Variants in NCKAP5 observed in about 807,000 individuals in gnomAD.
NCKAP5 encodes the protein NCK associated protein 5.
NCKAP5 carries 92 observed loss-of-function variants against 167.0 expected under a neutral mutation model. The observed-to-expected ratio is 0.55, with a 90% CI of 0.47 to 0.66. The LOEUF (loss-of-function observed/expected upper bound fraction) is 0.66, where lower values mean the gene tolerates loss of function less well. Among genes scored for constraint, NCKAP5 ranks in the 30% least tolerant of loss-of-function variants. The pLI, the probability that NCKAP5 is intolerant of heterozygous loss-of-function variation, is 0.00. For synonymous variants in NCKAP5, 891 were observed against 877.4 expected (o/e 1.02, Z -0.27); for missense variants, 2,378 against 2,315.0 (o/e 1.03, Z -0.56).
chr2:132,817,513 T>G (rs1045487269), intron 11 of NCKAP5, among the ~76,000 whole-genome samples: 2 of 152,224 alleles, frequency 1.3e-5, no homozygotes, highest in Non-Finnish European at 2.9e-5. Context: ...GATGTTTTTG[T>G]GTATAAAGAG....
In NCKAP5 at chr2:132,786,247, G is replaced by A. The variant is rs117382604; in HGVS notation, c.1093-529C>T. ...ACCTAAGTCAGAAAGTACATTCAAG[G>A]TACATTGAGGGAATGACTAGAAGAT... On this transcript the variant is annotated intron_variant, in intron 13 of 19. Coordinates refer to ENST00000409261, the MANE Select transcript of NCKAP5 (RefSeq NM_207363.3). Among the ~76,000 whole-genome samples the A allele has an allele frequency of 1.2e-4, 18 of 152,350 alleles. No individual in the cohort carries two copies. In the East Asian group the frequency reaches 2.9e-3, roughly 24 times the overall value.
intron 6 of NCKAP5, among the ~76,000 whole-genome samples, chr2:133,004,836 G>A (rs954268836): frequency 6.6e-6 from 1 of 152,148 alleles, no homozygotes; most frequent in African/African-American, 2.4e-5. Flanking sequence ...GCATAAGAGA[G>A]ACACTCCCAG....
At chr2:132,887,485 T>C (rs970507394) in intron 8 of NCKAP5, among the ~76,000 whole-genome samples, 2 of 152,150 alleles carry the variant, frequency 1.3e-5, no homozygotes, top group African/African-American at 4.8e-5. Flanking sequence ...ATAATATCTA[T>C]CTTGTTACCT....
chr2:133,608,688 C>T, the NCKAP5 span, among the ~76,000 whole-genome samples: 1,696 of 152,268 alleles, frequency 0.011, 29 homozygotes, highest in African/African-American at 0.039. Flanking sequence ...ATAATAGAGG[C>T]GAGTGTAAAA....
intron 18 of NCKAP5, 150 bp from the exon 19 acceptor site, chr2:132,725,909 C>A (rs1690415512): frequency 1.2e-6 from 1 of 831,980 alleles, no homozygotes. Context: ...CACCCGAGAG[C>A]AACTCTGGTT....
chr2:133,544,494 C>T (rs893966660), intron 2 of NCKAP5, among the ~76,000 whole-genome samples: 6 of 152,202 alleles, frequency 3.9e-5, no homozygotes, highest in Admixed American at 6.5e-5. Flanking sequence ...AATAATATGT[C>T]ACAGAGGTCT....
At chr2:132,971,327 G>T (rs1372561344) in intron 7 of NCKAP5, among the ~76,000 whole-genome samples, 1 of 152,202 alleles carries the variant, frequency 6.6e-6, no homozygotes, top group Non-Finnish European at 1.5e-5. Flanking sequence ...GATGTGAGAA[G>T]AGGGGAGGGC....
At position 132,766,278 on chromosome 2, in the gene NCKAP5, CAAAAA is replaced by C. The variant is rs70973405; in HGVS notation, c.5128+7533_5128+7537del. 3.9e-4 allele frequency among the ~76,000 whole-genome samples: 15 copies of C among 38,424 alleles called. No individual in the cohort carries two copies. In the East Asian group the frequency reaches 4.6e-3, roughly 12 times the overall value. The allele number at this position is 38,424 out of a possible 152,430, so 25.2% of individuals were successfully genotyped here. A position where few individuals can be genotyped will look rare whatever the true frequency, so the allele number is the denominator to read the frequency against. On this transcript the variant is annotated intron_variant, in intron 16 of 19. Coordinates refer to ENST00000409261, the MANE Select transcript of NCKAP5 (RefSeq NM_207363.3). ...CTGGCGAAACAGTGAGATTCTGTCT[CAAAAA>C]AAAAAAAAAAAAAAAAAAAAAAGAG...
chr2:133,488,750 T>C (rs1393609186), intron 3 of NCKAP5, among the ~76,000 whole-genome samples: 1 of 152,180 alleles, frequency 6.6e-6, no homozygotes, highest in East Asian at 1.9e-4. Context: ...ACCCCTTCTC[T>C]ACTAAAAATA....
rs142476175 is a variant in NCKAP5 at position 132,859,390 on chromosome 2, TG to T, written c.807+1101del. On this transcript the variant is annotated intron_variant, in intron 11 of 19. Coordinates refer to ENST00000409261, the MANE Select transcript of NCKAP5 (RefSeq NM_207363.3). ...AATTAGCAACACAGTCTGGATCATT[TG>T]GAAAAATACCGTCCAGCAGAGCTTT... 7.8e-3 allele frequency among the ~76,000 whole-genome samples: 1,182 copies of T among 152,296 alleles called. 15 individuals carry two copies. Among genetic ancestry groups the T allele is most frequent in the African/African-American group, 0.027 (1,130 of 41,552 alleles).
chr2:133,210,024 G>A (rs1475788107), intron 5 of NCKAP5, among the ~76,000 whole-genome samples: 1 of 151,886 alleles, frequency 6.6e-6, no homozygotes, highest in Admixed American at 6.6e-5. Context: ...AATGAGCTGG[G>A]TGTGGTGGTG....
At chr2:133,604,080 G>A in the NCKAP5 span, among the ~76,000 whole-genome samples, 1 of 152,226 alleles carries the variant, frequency 6.6e-6, no homozygotes. Flanking sequence ...TCTGGGGAAA[G>A]GAGGAGTTGT....
At chr2:133,509,187 T>C (rs1359386475) in intron 3 of NCKAP5, among the ~76,000 whole-genome samples, 1 of 152,218 alleles carries the variant, frequency 6.6e-6, no homozygotes, top group Non-Finnish European at 1.5e-5. Context: ...AATCTAATTA[T>C]ACCTACAGAC....
chr2:132,822,620 A>G (rs969086265), intron 11 of NCKAP5, among the ~76,000 whole-genome samples: 3 of 152,170 alleles, frequency 2.0e-5, no homozygotes, highest in Admixed American at 1.3e-4. Flanking sequence ...AGAACCAGAA[A>G]AGTAATTCTG....
chr2:132,789,172 A>T (rs1397540933), intron 13 of NCKAP5, among the ~76,000 whole-genome samples: 1 of 152,222 alleles, frequency 6.6e-6, no homozygotes, highest in African/African-American at 2.4e-5. Context: ...AAGGAGAGAG[A>T]CAAAGAGGTG....
intron 19 of NCKAP5, among the ~76,000 whole-genome samples, chr2:132,722,704 T>G (rs1217007112): frequency 6.6e-6 from 1 of 152,082 alleles, no homozygotes; most frequent in Non-Finnish European, 1.5e-5. Context: ...AACTCCCATT[T>G]CACTTGGCAG....
At chr2:133,291,664 A>G (rs1332313325) in intron 4 of NCKAP5, among the ~76,000 whole-genome samples, 1 of 152,240 alleles carries the variant, frequency 6.6e-6, no homozygotes, top group African/African-American at 2.4e-5. Flanking sequence ...CCCGGACACC[A>G]AGTAAGCCAG....
intron 6 of NCKAP5, among the ~76,000 whole-genome samples, chr2:133,081,096 G>A (rs1262911886): frequency 1.3e-5 from 2 of 152,070 alleles, no homozygotes; most frequent in African/African-American, 4.8e-5. Flanking sequence ...GGTACAGTAT[G>A]AAAGCAAAGT....
At chr2:133,300,523 A>G (rs1243601912) in intron 4 of NCKAP5, among the ~76,000 whole-genome samples, 13 of 128,620 alleles carry the variant, frequency 1.0e-4, no homozygotes, top group South Asian at 5.5e-4. Flanking sequence ...GCCAAAGACA[A>G]AAACCACATG....
Sources: gnomAD v4.1 joint callset for allele counts (sites outside exome capture counted in the v4.1 genomes callset) on GRCh38, gnomAD v4.1.1 for gene constraint, MANE v1.5 for transcripts, NCBI Gene and HGNC (gene_info 2026-07-23, HGNC 2026-07-21) for gene names.